The following SPOCK3 variants were observed in gnomAD, a reference collection of about 807,000 sequenced individuals.
SPOCK3 encodes the protein testican-3.
Under a neutral mutation model 56.6 loss-of-function variants are expected in SPOCK3, and 30 were observed. That is an observed-to-expected ratio of 0.53 (90% CI 0.40 to 0.72). The LOEUF (loss-of-function observed/expected upper bound fraction) is 0.72. Ranked by LOEUF, SPOCK3 falls within the 30% of genes least tolerant of loss-of-function variation. SPOCK3 has a pLI of 0.00. For missense variants in SPOCK3, 527 were observed against 530.0 expected, an observed-to-expected ratio of 0.99 and a Z score of 0.06; for synonymous variants, 196 against 183.3, an observed-to-expected ratio of 1.07 and a Z score of -0.56.
intron 7 of SPOCK3, among the ~76,000 whole-genome samples, chr4:166,783,330 G>T (rs1560852555): frequency 6.6e-6 from 1 of 152,076 alleles, no homozygotes; most frequent in Non-Finnish European, 1.5e-5. Context: ...CTGCACTCCA[G>T]CATGGGCAAC....
In SPOCK3 at chr4:166,735,069, C is replaced by A. The variant is rs778768395; in HGVS notation, c.1154G>T (p.Gly385Val). 1 of 1,604,526 alleles carries A rather than the reference C, an allele frequency of 6.2e-7. No homozygotes were observed. The highest frequency in any genetic ancestry group is 8.5e-7 in the Non-Finnish European group (1 of 1,174,214). The change falls in exon 11 of 11, where the codon GGA (glycine) becomes GTA (valine). Residue 385 changes from glycine to valine, a missense_variant. Transcript: ENST00000357545. ...ADCAIDFEIS[G>V]DFASGDFHEW... ...ATGAAAATCGCCACTAGCAAAATCT[C>A]CGGAGATCTCAAAATCTATAGCTTA...
At chr4:166,769,307 TC>T (rs1222274017) in intron 7 of SPOCK3, among the ~76,000 whole-genome samples, 1 of 152,136 alleles carries the variant, frequency 6.6e-6, no homozygotes, top group African/African-American at 2.4e-5. Context: ...TTTTTCCCCA[TC>T]TTTGTGGTTT....
chr4:166,857,836 C>A (rs1455394745), intron 6 of SPOCK3, among the ~76,000 whole-genome samples: 1 of 152,170 alleles, frequency 6.6e-6, no homozygotes, highest in East Asian at 1.9e-4. Context: ...GGCTTTTAGC[C>A]CTTTTGCCTT....
intron 2 of SPOCK3, among the ~76,000 whole-genome samples, chr4:167,231,208 ATTAT>A (rs960117085): frequency 4.6e-5 from 7 of 152,160 alleles, no homozygotes; most frequent in Admixed American, 3.3e-4. Context: ...ATTTTTAAAT[ATTAT>A]TTAAGATACT....
chr4:166,953,468 C>T (rs373639750), intron 4 of SPOCK3, among the ~76,000 whole-genome samples: 63 of 151,206 alleles, frequency 4.2e-4, no homozygotes, highest in Admixed American at 3.4e-3. Flanking sequence ...GAAATAGGAA[C>T]ACTTTTACAC....
intron 4 of SPOCK3, among the ~76,000 whole-genome samples, chr4:166,970,381 C>T (rs1388185031): frequency 6.6e-6 from 1 of 152,190 alleles, no homozygotes; most frequent in African/African-American, 2.4e-5. Context: ...TACCACCACT[C>T]TTATGTTTCT....
chr4:166,806,015 G>T (rs1743125888), intron 6 of SPOCK3, among the ~76,000 whole-genome samples: 1 of 151,938 alleles, frequency 6.6e-6, no homozygotes, highest in African/African-American at 2.4e-5. Context: ...CCATACACTG[G>T]ATTCAAAGGT....
intron 6 of SPOCK3, among the ~76,000 whole-genome samples, chr4:166,794,093 T>C (rs1027644778): frequency 6.6e-6 from 1 of 150,820 alleles, no homozygotes; most frequent in Non-Finnish European, 1.5e-5. Context: ...GACAGAGCAA[T>C]GTACAGAATT....
At chr4:167,194,437 T>C (rs1432904782) in intron 2 of SPOCK3, among the ~76,000 whole-genome samples, 1 of 152,206 alleles carries the variant, frequency 6.6e-6, no homozygotes, top group African/African-American at 2.4e-5. Context: ...TCAGGCATGC[T>C]ACTAGAGCTT....
At chr4:167,008,618 T>C (rs1395438392) in intron 3 of SPOCK3, among the ~76,000 whole-genome samples, 1 of 152,070 alleles carries the variant, frequency 6.6e-6, no homozygotes, top group East Asian at 1.9e-4. Flanking sequence ...ATGTCTTTTG[T>C]AAAATGTAGT....
chr4:166,872,178 G>A (rs1732557213), intron 6 of SPOCK3, among the ~76,000 whole-genome samples: 1 of 151,636 alleles, frequency 6.6e-6, no homozygotes, highest in Non-Finnish European at 1.5e-5. Flanking sequence ...ATATTAAACA[G>A]TACAGTAAAA....
At chr4:167,146,485 C>T (rs1401062045) in intron 2 of SPOCK3, among the ~76,000 whole-genome samples, 2 of 152,126 alleles carry the variant, frequency 1.3e-5, no homozygotes, top group African/African-American at 4.8e-5. Flanking sequence ...CAGAACTCTC[C>T]ACCCCAAATC....
chr4:167,230,671 TC>T (rs1737087616), intron 2 of SPOCK3, among the ~76,000 whole-genome samples: 3 of 152,076 alleles, frequency 2.0e-5, no homozygotes, highest in Non-Finnish European at 4.4e-5. Flanking sequence ...CTTTTCTGTA[TC>T]TTTAGATTAA....
intron 2 of SPOCK3, among the ~76,000 whole-genome samples, chr4:167,148,942 A>G (rs1264766167): frequency 6.6e-6 from 1 of 152,130 alleles, no homozygotes; most frequent in Admixed American, 6.6e-5. Flanking sequence ...GATGTGCTAC[A>G]TAATAGACTG....
chr4:167,038,300 G>T (rs1752940151), intron 3 of SPOCK3, among the ~76,000 whole-genome samples: 1 of 152,046 alleles, frequency 6.6e-6, no homozygotes, highest in Admixed American at 6.6e-5. Context: ...TTTGACCAAA[G>T]AAAGAAAAGA....
chr4:167,154,810 C>CT (rs1764685860), intron 2 of SPOCK3, among the ~76,000 whole-genome samples: 1 of 152,064 alleles, frequency 6.6e-6, no homozygotes, highest in African/African-American at 2.4e-5. Context: ...AATAGAAGCC[C>CT]TGTAGAATAG....
chr4:166,963,343 G>A (rs1049286520), intron 4 of SPOCK3, among the ~76,000 whole-genome samples: 1 of 151,958 alleles, frequency 6.6e-6, no homozygotes, highest in Non-Finnish European at 1.5e-5. Flanking sequence ...TTAATGTAAT[G>A]TGTTATGTGG....
chr4:166,986,567 C>T (rs1276143598), intron 4 of SPOCK3, among the ~76,000 whole-genome samples: 7 of 152,000 alleles, frequency 4.6e-5, no homozygotes, highest in African/African-American at 7.2e-5. Flanking sequence ...TTACAGCACA[C>T]GAATGAAGAA....
At chr4:166,831,499 T>C (rs960200081) in intron 6 of SPOCK3, among the ~76,000 whole-genome samples, 89 of 152,256 alleles carry the variant, frequency 5.8e-4, no homozygotes, top group African/African-American at 2.0e-3. Context: ...ATTCAAGATA[T>C]GAATTTCTTC....
Sources: allele counts gnomAD v4.1 joint callset (sites outside exome capture counted in the v4.1 genomes callset), GRCh38; gene constraint gnomAD v4.1.1; transcripts MANE v1.5; gene names NCBI Gene and HGNC (gene_info 2026-07-23, HGNC 2026-07-21).